The following HERC1 variants were observed in gnomAD, a reference collection of about 807,000 sequenced individuals.
HERC1 encodes HECT and RLD domain containing E3 ubiquitin protein ligase family member 1, also known as probable E3 ubiquitin-protein ligase HERC1.
In HERC1, 160 loss-of-function variants were observed where a neutral mutation model predicts 554.3. The observed-to-expected ratio is 0.29, with a 90% confidence interval of 0.25 to 0.33. The LOEUF is 0.33. HERC1 is among the 10% of genes least tolerant of loss of function. The probability of loss-of-function intolerance (pLI) is 1.00; values close to 1 mark genes in which losing one functional copy is unlikely to be tolerated. For synonymous variants in HERC1, 2,175 were observed against 2,131.7 expected, an observed-to-expected ratio of 1.02 and a Z score of -0.56; for missense variants, 4,919 against 5,918.5, an observed-to-expected ratio of 0.83 and a Z score of 5.54.
At chr15:63,743,594 T>C (rs1385534764) in intron 12 of HERC1, among the ~76,000 whole-genome samples, 3 of 152,206 alleles carry the variant, frequency 2.0e-5, no homozygotes, top group South Asian at 2.1e-4. Context: ...TCAATTCTGG[T>C]ATTAAAGGAT....
At position 63,718,125 on chromosome 15, in the gene HERC1, A is replaced by ACACACAC; in HGVS notation, c.3978+448_3978+449insGTGTGTG. Reference sequence around the variant, plus strand: ...ACACACACACACACACACACACACAACCCCCTCCTTGGTTTTCACTTCTCT... The same window carrying ACACACAC: ...ACACACACACACACACACACACACAACACACACCCCCCTCCTTGGTTTTCACTTCTCT... On this transcript the variant is annotated intron_variant, in intron 21 of 77. Coordinates refer to ENST00000443617, the MANE Select transcript of HERC1 (RefSeq NM_003922.4). This position sits in a 1 kb window ranked among gnomAD's most constrained non-coding sequence, Gnocchi z 4.2. Among the ~76,000 whole-genome samples the ACACACAC allele has an allele frequency of 1.8e-5, 1 of 56,986 alleles. No individual in the cohort carries two copies. Among genetic ancestry groups the ACACACAC allele is most frequent in the East Asian group, 3.4e-4 (1 of 2,908 alleles). 37.4% of individuals were successfully genotyped at this position (56,986 alleles called of 152,430 possible).
At chr15:63,713,941 T>C (rs906461469) in intron 22 of HERC1, among the ~76,000 whole-genome samples, 5 of 152,202 alleles carry the variant, frequency 3.3e-5, no homozygotes, top group African/African-American at 9.6e-5. Flanking sequence ...ATGAATTGGA[T>C]CAGTTATTTT....
chr15:63,716,866 C>T (rs1256145704), intron 21 of HERC1, among the ~76,000 whole-genome samples: 1 of 152,132 alleles, frequency 6.6e-6, no homozygotes. Flanking sequence ...GTTTATGTTA[C>T]TATTACTCTG....
At position 63,654,151 on chromosome 15, in the gene HERC1, A is replaced by G; in HGVS notation, c.10258T>C (p.Ser3420Pro). Reference sequence around the variant, plus strand: ...TGATGAGCCTCCAATTTGATAAAGGAGCATTTTCTAAGATCTCCTCCCATA... The same window carrying G: ...TGATGAGCCTCCAATTTGATAAAGGGGCATTTTCTAAGATCTCCTCCCATA... Reference protein sequence around the residue: ...ADMGGDLRKCSFIKLEAHQNR... With the variant: ...ADMGGDLRKCPFIKLEAHQNR... Residue 3420 changes from serine to proline, a missense_variant, in exon 51 of 78, where the codon TCC (serine) becomes CCC (proline). Ser to Pro is a moderately conservative substitution (Grantham distance 74). Transcript: ENST00000443617. 3 of 1,613,974 alleles carry G rather than the reference A, an allele frequency of 1.9e-6. No homozygotes were observed. The highest frequency in any genetic ancestry group is 2.5e-6 in the Non-Finnish European group (3 of 1,179,818).
intron 74 of HERC1, among the ~76,000 whole-genome samples, chr15:63,621,413 G>A (rs2068071741): frequency 6.6e-6 from 1 of 152,032 alleles, no homozygotes; most frequent in African/African-American, 2.4e-5. Context: ...CTTTCTCTCT[G>A]GCTGCTCTTA....
chr15:63,765,809 A>G (rs141870333), intron 2 of HERC1, among the ~76,000 whole-genome samples: 11 of 152,330 alleles, frequency 7.2e-5, no homozygotes, highest in African/African-American at 2.6e-4. Context: ...ACCTGCCACC[A>G]GGACTTCCTG....
chr15:63,719,782 G>A (rs1253186891), intron 19 of HERC1, among the ~76,000 whole-genome samples: 1 of 152,156 alleles, frequency 6.6e-6, no homozygotes, highest in Non-Finnish European at 1.5e-5. Flanking sequence ...GAAGTCAAAG[G>A]TGATTCTAAA....
At chr15:63,623,584 TA>T in intron 73 of HERC1, 140 bp downstream of exon 73, 1 of 789,158 alleles carries the variant, frequency 1.3e-6, no homozygotes, top group East Asian at 2.5e-5. Flanking sequence ...TACGTATCAC[TA>T]ACAGCATCAC....
chr15:63,661,648 A>AC, intron 45 of HERC1, 105 bp downstream of exon 45: 1 of 1,176,602 alleles, frequency 8.5e-7, no homozygotes. Flanking sequence ...ACGGGATTTC[A>AC]GGGAAGGTTA....
Position 63,680,878 on chromosome 15 carries a change from G to A in HERC1, c.6226-102C>T. On this transcript the variant is annotated intron_variant, in intron 34 of 77. Transcript: ENST00000443617. This position sits in a 1 kb window ranked among gnomAD's most constrained non-coding sequence, Gnocchi z 5.8. ...AAATATGTTTATAAATAATACTAAT[G>A]CATTTATGGAAACATGTTATTTTCA... The A allele has an allele frequency of 2.8e-6, 2 of 702,158 alleles. No homozygotes were observed. The highest frequency in any genetic ancestry group is 4.7e-6 in the Non-Finnish European group (2 of 422,546). 43.5% of individuals were successfully genotyped at this position (702,158 alleles called of 1,614,324 possible). A position where few individuals can be genotyped will look rare whatever the true frequency, so the allele number is the denominator to read the frequency against.
In HERC1 at chr15:63,718,472, T is replaced by C. The variant is rs1369696288; in HGVS notation, c.3978+102A>G. 1 of 1,100,350 alleles carries C rather than the reference T, an allele frequency of 9.1e-7. No individual in the cohort carries two copies. The highest frequency in any genetic ancestry group is 1.3e-6 in the Non-Finnish European group (1 of 785,510). The allele number at this position is 1,100,350 out of a possible 1,614,324, so 68.2% of individuals were successfully genotyped here. On this transcript the variant is annotated intron_variant, in intron 21 of 77. Transcript: ENST00000443617. This position sits in a 1 kb window ranked among gnomAD's most constrained non-coding sequence, Gnocchi z 4.2. Reference sequence around the variant, plus strand: ...AGAACTACTCAACATGTATTGAACATATGCAATAACCAAGGCACATTTTTT... The same window carrying C: ...AGAACTACTCAACATGTATTGAACACATGCAATAACCAAGGCACATTTTTT...
In HERC1 at chr15:63,694,145, A is replaced by G. The variant is rs1352646987; in HGVS notation, c.5493T>C (p.Asp1831=). ...ATTGAACTACTTTGGGACTCAGTTT[A>G]TCAGCATAGGTCCTATGTGAAATAA... The part of the protein sequence containing the change: ...ILAITTGTYA[D]KLSPKVVQSL... The change falls in exon 30 of 78, where the codon GAT becomes GAC. Residue 1831 remains aspartate, a synonymous_variant. Coordinates refer to ENST00000443617, the MANE Select transcript of HERC1 (RefSeq NM_003922.4). This position sits in a 1 kb window ranked among gnomAD's most constrained non-coding sequence, Gnocchi z 4.3. 1 of 1,605,382 alleles carries G rather than the reference A, an allele frequency of 6.2e-7. No homozygotes were observed. The highest frequency in any genetic ancestry group is 1.1e-5 in the South Asian group (1 of 89,174).
At chr15:63,781,162 C>A (rs1303299728) in intron 1 of HERC1, among the ~76,000 whole-genome samples, 2 of 152,036 alleles carry the variant, frequency 1.3e-5, no homozygotes, top group African/African-American at 4.8e-5. Flanking sequence ...TTACTACAAG[C>A]AGAGTTATAA....
At chr15:63,729,415 G>C in intron 15 of HERC1, 47 bp from the exon 16 acceptor site, 1 of 1,595,186 alleles carries the variant, frequency 6.3e-7, no homozygotes, top group East Asian at 2.2e-5. Flanking sequence ...AAGATTCAAG[G>C]TGTAAAAATA....
intron 1 of HERC1, among the ~76,000 whole-genome samples, chr15:63,782,496 C>T (rs964935485): frequency 6.6e-6 from 1 of 152,176 alleles, no homozygotes; most frequent in East Asian, 1.9e-4. Flanking sequence ...AGCTTCCTTT[C>T]AAAACATTAC....
chr15:63,687,692 GA>G (rs1567014285), intron 33 of HERC1, among the ~76,000 whole-genome samples: 1 of 151,980 alleles, frequency 6.6e-6, no homozygotes, highest in Admixed American at 6.6e-5. Flanking sequence ...TTTTGGAAGA[GA>G]AAAAGAAAAA....
Position 63,616,595 on chromosome 15 carries a change from T to C in HERC1, c.13776A>G (p.Thr4592=), listed in dbSNP as rs755401231. ...CCAAGTGGAGGTCCAGAGGCTTCTTTGTGCGAATGGCAACCCCCATTAAAA... is the reference window on the plus strand; with the variant it reads ...CCAAGTGGAGGTCCAGAGGCTTCTTCGTGCGAATGGCAACCCCCATTAAAA... The part of the protein sequence containing the change: ...LGILMGVAIR[T]KKPLDLHLAP... The change falls in exon 75 of 78, where the codon ACA becomes ACG. Residue 4592 remains threonine, a synonymous_variant. Coordinates refer to ENST00000443617, the MANE Select transcript of HERC1 (RefSeq NM_003922.4). 1 of 1,613,988 alleles carries C rather than the reference T, an allele frequency of 6.2e-7. No individual in the cohort carries two copies. The highest frequency in any genetic ancestry group is 8.5e-7 in the Non-Finnish European group (1 of 1,179,888).
At chr15:63,723,674 C>T (rs982458035) in intron 18 of HERC1, among the ~76,000 whole-genome samples, 3 of 152,162 alleles carry the variant, frequency 2.0e-5, no homozygotes, top group East Asian at 1.9e-4. Flanking sequence ...ACTAAATGTC[C>T]TACACGTGCA....
intron 1 of HERC1, among the ~76,000 whole-genome samples, chr15:63,811,408 A>G (rs2077304618): frequency 6.6e-6 from 1 of 152,180 alleles, no homozygotes; most frequent in Non-Finnish European, 1.5e-5. Flanking sequence ...TCTAGGTGAA[A>G]AGCGCTATTC....
Sources: allele counts gnomAD v4.1 joint callset (sites outside exome capture counted in the v4.1 genomes callset), GRCh38; gene constraint gnomAD v4.1.1; non-coding constraint Gnocchi (gnomAD v3.1); transcripts MANE v1.5; gene names NCBI Gene and HGNC (gene_info 2026-07-23, HGNC 2026-07-21).